LIN52: variants seen among roughly 807,000 people sequenced by gnomAD.
The protein encoded by LIN52 is protein lin-52 homolog.
A neutral mutation model predicts 18.5 loss-of-function variants in LIN52; 4 were observed. That is an observed-to-expected ratio of 0.22 (90% CI 0.11 to 0.49). The LOEUF is 0.49. Among genes scored for constraint, LIN52 ranks in the 20% least tolerant of loss-of-function variants. LIN52 has a pLI of 0.97. For missense variants in LIN52, 102 were observed against 139.5 expected (o/e 0.73, Z 1.35); for synonymous variants, 34 against 45.5 (o/e 0.75, Z 1.02).
At chr14:74,130,537 C>T (rs2061059889) in intron 5 of LIN52, among the ~76,000 whole-genome samples, 1 of 150,408 alleles carries the variant, frequency 6.6e-6, no homozygotes, top group Non-Finnish European at 1.5e-5. Context: ...CTTGGCCTCC[C>T]AAAGTGCTGA....
chr14:74,090,300 T>C (rs2060765051), intron 1 of LIN52, among the ~76,000 whole-genome samples: 1 of 151,560 alleles, frequency 6.6e-6, no homozygotes, highest in African/African-American at 2.4e-5. Flanking sequence ...ATTATAGGCA[T>C]GAGGCACCCC....
In LIN52 at chr14:74,199,086, C is replaced by A; in HGVS notation, c.*109C>A. 1.3e-6 allele frequency: 1 copy of A among 756,024 alleles called. No individual in the cohort carries two copies. The highest frequency in any genetic ancestry group is 2.3e-6 in the Non-Finnish European group (1 of 435,936). 46.8% of individuals were successfully genotyped at this position (756,024 alleles called of 1,614,324 possible). On this transcript the variant is annotated 3_prime_UTR_variant, in exon 6 of 6. Transcript: ENST00000555028. Reference sequence around the variant, plus strand: ...TGCTTGGGAGAGGCCAGAGGGTGTACCTCCAGGACTGCCCTCTCCCCTGCT... The same window carrying A: ...TGCTTGGGAGAGGCCAGAGGGTGTAACTCCAGGACTGCCCTCTCCCCTGCT...
At chr14:74,157,689 A>T (rs1217581873) in intron 5 of LIN52, among the ~76,000 whole-genome samples, 2 of 151,748 alleles carry the variant, frequency 1.3e-5, no homozygotes, top group African/African-American at 4.8e-5. Flanking sequence ...GGCTGGGATT[A>T]CAGGGATGAG....
At chr14:74,095,382 G>A (rs2060803842) in intron 2 of LIN52, among the ~76,000 whole-genome samples, 2 of 151,722 alleles carry the variant, frequency 1.3e-5, no homozygotes, top group South Asian at 2.1e-4. Context: ...TGATTCACCC[G>A]CTTCAGCCTC....
chr14:74,181,509 A>G (rs763889359), intron 5 of LIN52, among the ~76,000 whole-genome samples: 1 of 151,828 alleles, frequency 6.6e-6, no homozygotes, highest in African/African-American at 2.4e-5. Flanking sequence ...TCCCCCGTCT[A>G]TTGTGTTTTG....
intron 4 of LIN52, among the ~76,000 whole-genome samples, chr14:74,099,970 A>T (rs2060842464): frequency 6.6e-6 from 1 of 152,246 alleles, no homozygotes; most frequent in Non-Finnish European, 1.5e-5. Flanking sequence ...ATTTGCTCCT[A>T]ACCTCCAACA....
chr14:74,103,523 C>T (rs1335586970), intron 5 of LIN52, among the ~76,000 whole-genome samples: 5 of 150,780 alleles, frequency 3.3e-5, no homozygotes, highest in African/African-American at 1.2e-4. Flanking sequence ...ACCTCCACCT[C>T]CCAGGTTCAA....
chr14:74,156,782 C>T (rs2061200589), intron 5 of LIN52, among the ~76,000 whole-genome samples: 1 of 152,104 alleles, frequency 6.6e-6, no homozygotes, highest in Admixed American at 6.6e-5. Context: ...CATTGACCAA[C>T]CTCTCCCATC....
At chr14:74,167,747 G>T (rs2061255681) in intron 5 of LIN52, among the ~76,000 whole-genome samples, 2 of 151,946 alleles carry the variant, frequency 1.3e-5, no homozygotes, top group African/African-American at 4.8e-5. Flanking sequence ...TGTTGCCTAG[G>T]CTGGAATTGA....
intron 2 of LIN52, among the ~76,000 whole-genome samples, chr14:74,095,147 C>CTTTTTT (rs1595146512): frequency 3.1e-5 from 3 of 97,138 alleles, no homozygotes; most frequent in South Asian, 4.8e-4. Context: ...GCCCAACTAA[C>CTTTTTT]TGTTTTTTTT....
At chr14:74,162,118 ATCAT>A (rs1481329664) in intron 5 of LIN52, among the ~76,000 whole-genome samples, 1 of 152,212 alleles carries the variant, frequency 6.6e-6, no homozygotes, top group Non-Finnish European at 1.5e-5. Context: ...GTTGATAACT[ATCAT>A]TCAATTAACA....
intron 5 of LIN52, among the ~76,000 whole-genome samples, chr14:74,152,262 CA>C (rs33967967): frequency 2.0e-3 from 265 of 130,326 alleles, no homozygotes; most frequent in Middle Eastern, 3.8e-3. Context: ...ACCTCCATCT[CA>C]AAAAAAAAAA....
At chr14:74,097,425 C>CTTTTTTTTT (rs35249058) in intron 3 of LIN52, among the ~76,000 whole-genome samples, 2 of 133,578 alleles carry the variant, frequency 1.5e-5, no homozygotes, top group Admixed American at 7.8e-5. Flanking sequence ...TTTTCTTTTT[C>CTTTTTTTTT]TTTTTTTTTT....
chr14:74,190,345 G>A (rs79303435), intron 5 of LIN52, among the ~76,000 whole-genome samples: 1,463 of 144,436 alleles, frequency 0.01, 28 homozygotes, highest in African/African-American at 0.035. Context: ...CAGGTATATA[G>A]TATTTTAGTC....
At chr14:74,195,577 C>T (rs201660077) in intron 5 of LIN52, among the ~76,000 whole-genome samples, 37 of 104,380 alleles carry the variant, frequency 3.5e-4, no homozygotes, top group East Asian at 2.4e-3. Flanking sequence ...TGTGTGTGTG[C>T]GCGTGTAGAC....
At chr14:74,136,388 G>A (rs1198012095) in intron 5 of LIN52, among the ~76,000 whole-genome samples, 2 of 152,132 alleles carry the variant, frequency 1.3e-5, no homozygotes, top group African/African-American at 4.8e-5. Context: ...ACAGAAATAA[G>A]CTTTCTAATT....
chr14:74,146,051 C>G (rs2061151525), intron 5 of LIN52, among the ~76,000 whole-genome samples: 1 of 152,210 alleles, frequency 6.6e-6, no homozygotes, highest in African/African-American at 2.4e-5. Context: ...GGTTTCACCA[C>G]TGAATTCCCA....
chr14:74,124,711 T>C (rs926188882), intron 5 of LIN52, among the ~76,000 whole-genome samples: 2 of 149,124 alleles, frequency 1.3e-5, no homozygotes, highest in Non-Finnish European at 3.0e-5. Flanking sequence ...TCAGTGGGGC[T>C]GAGGTCAGAG....
intron 5 of LIN52, among the ~76,000 whole-genome samples, chr14:74,130,278 G>GTTTTTTTTTTTGTTTTTT (rs2061055285): frequency 9.3e-5 from 6 of 64,842 alleles, no homozygotes; most frequent in Admixed American, 2.2e-4. Flanking sequence ...GCATTTTTTG[G>GTTTTTTTTTTTGTTTTTT]TTTTTTTTTT....
Sources: gnomAD v4.1 joint callset for allele counts (sites outside exome capture counted in the v4.1 genomes callset) on GRCh38, gnomAD v4.1.1 for gene constraint, MANE v1.5 for transcripts, NCBI Gene and HGNC (gene_info 2026-07-23, HGNC 2026-07-21) for gene names.